TSNARE1: variants seen among roughly 807,000 people sequenced by gnomAD.
TSNARE1 encodes t-SNARE domain containing 1.
A neutral mutation model predicts 62.0 loss-of-function variants in TSNARE1; 49 were observed. The ratio of observed to expected loss-of-function variants is 0.79; its 90% CI spans 0.63 to 1.00. The LOEUF is 1.00. Ranked by LOEUF, TSNARE1 falls within the 50% of genes least tolerant of loss-of-function variation. TSNARE1 has a pLI of 0.00. For missense variants in TSNARE1, 755 were observed against 700.1 expected, an observed-to-expected ratio of 1.08 and a Z score of -0.88; for synonymous variants, 328 against 294.4, an observed-to-expected ratio of 1.11 and a Z score of -1.17.
At chr8:142,381,621 G>A (rs902314343) in intron 1 of TSNARE1, among the ~76,000 whole-genome samples, 3 of 152,214 alleles carry the variant, frequency 2.0e-5, no homozygotes, top group Non-Finnish European at 4.4e-5. Flanking sequence ...TCTGGAGTGA[G>A]GCAGGAGAAG....
intron 12 of TSNARE1, among the ~76,000 whole-genome samples, chr8:142,259,629 C>T (rs1234914605): frequency 1.3e-5 from 2 of 152,226 alleles, no homozygotes; most frequent in African/African-American, 4.8e-5. Context: ...CCTGCTTGGC[C>T]TCCCAATTAA....
At chr8:142,372,137 C>T (rs1025067633) in intron 1 of TSNARE1, among the ~76,000 whole-genome samples, 2 of 152,176 alleles carry the variant, frequency 1.3e-5, no homozygotes, top group African/African-American at 2.4e-5. Context: ...TCACTGAAAA[C>T]ACAGTATGGG....
chr8:142,306,140 G>A (rs1452493018), intron 9 of TSNARE1, among the ~76,000 whole-genome samples: 1 of 152,228 alleles, frequency 6.6e-6, no homozygotes, highest in Non-Finnish European at 1.5e-5. Context: ...TTTATTCACT[G>A]GTGGAGTCTC....
intron 7 of TSNARE1, among the ~76,000 whole-genome samples, chr8:142,316,202 G>A (rs1198236091): frequency 1.3e-5 from 2 of 148,934 alleles, no homozygotes; most frequent in African/African-American, 2.4e-5. Flanking sequence ...AAGCTACAGA[G>A]GAAGAGGTCA....
At position 142,354,863 on chromosome 8, in the gene TSNARE1, A is replaced by G. The variant is rs1834593418; in HGVS notation, c.-39-100T>C. 10 of 665,472 alleles carry G rather than the reference A, an allele frequency of 1.5e-5. No individual in the cohort carries two copies. The South Asian group carries it at 1.6e-4, about 11-fold the overall frequency. The allele number at this position is 665,472 out of a possible 1,614,324, so 41.2% of individuals were successfully genotyped here. On this transcript the variant is annotated intron_variant, in intron 1 of 13. Transcript: ENST00000524325. ...GGCCGCCGGCCCCTCCCCAGCCCCA[A>G]GACCCTGGCTCCATTGTACCCATTC...
chr8:142,217,372 AAAAAAGG>A (rs1399845122), intron 13 of TSNARE1, among the ~76,000 whole-genome samples: 1,811 of 141,344 alleles, frequency 0.013, 57 homozygotes, highest in African/African-American at 0.049. Context: ...AGAAAGAAAG[AAAAAAGG>A]GAAAGAAAGA....
At chr8:142,282,603 C>CGG (rs1821772074) in intron 11 of TSNARE1, among the ~76,000 whole-genome samples, 1 of 127,270 alleles carries the variant, frequency 7.9e-6, no homozygotes, top group Non-Finnish European at 1.7e-5. Context: ...TATCAATGAG[C>CGG]AGAGGGGAGG....
intron 9 of TSNARE1, among the ~76,000 whole-genome samples, chr8:142,313,842 C>T (rs960228303): frequency 3.3e-5 from 5 of 152,174 alleles, no homozygotes; most frequent in Non-Finnish European, 7.3e-5. Context: ...GGCGTGATCT[C>T]GGCTCACTGG....
intron 9 of TSNARE1, among the ~76,000 whole-genome samples, chr8:142,308,317 T>C (rs1827022132): frequency 6.6e-6 from 1 of 152,204 alleles, no homozygotes; most frequent in African/African-American, 2.4e-5. Flanking sequence ...TGGTGCCTTC[T>C]GGATGTGCTA....
intron 12 of TSNARE1, among the ~76,000 whole-genome samples, chr8:142,232,431 G>A (rs776034975): frequency 4.6e-5 from 7 of 152,372 alleles, no homozygotes; most frequent in African/African-American, 1.2e-4. Context: ...GTCTCCCTGC[G>A]CTACGTCTCT....
rs11993316 is a variant in TSNARE1, at chr8:142,357,143, C to T, written c.-39-2380G>A. ...GGAAGGAGAGTTCCAGAAAGAAGGACAGGAGGGCCAGGGGAAGAGAATCGT... is the reference window on the plus strand; with the variant it reads ...GGAAGGAGAGTTCCAGAAAGAAGGATAGGAGGGCCAGGGGAAGAGAATCGT... On this transcript the variant is annotated intron_variant, in intron 1 of 13. Coordinates refer to ENST00000524325, the MANE Select transcript of TSNARE1 (RefSeq NM_145003.5). Among the ~76,000 whole-genome samples, 916 of 152,274 alleles carry T rather than the reference C, an allele frequency of 6.0e-3. 10 individuals carry two copies. The highest frequency in any genetic ancestry group is 0.021 in the African/African-American group (859 of 41,546).
chr8:142,403,848 C>T (rs1838485965), upstream of TSNARE1: 2 of 152,372 alleles, frequency 1.3e-5, no homozygotes, highest in South Asian at 4.1e-4. Flanking sequence ...TGGGGCGCCT[C>T]CCTTTCCCTG....
chr8:142,367,283 A>C (rs565737320), intron 1 of TSNARE1, among the ~76,000 whole-genome samples: 5 of 152,362 alleles, frequency 3.3e-5, no homozygotes, highest in African/African-American at 1.2e-4. Context: ...ATCTAAGAAA[A>C]CAAAGACACA....
At chr8:142,256,310 TCATCAC>T (rs1563782613) in intron 12 of TSNARE1, among the ~76,000 whole-genome samples, 137 of 62,504 alleles carry the variant, frequency 2.2e-3, no homozygotes, top group South Asian at 3.2e-3. Flanking sequence ...ACCACCACCA[TCATCAC>T]CACCATCACC....
intron 1 of TSNARE1, among the ~76,000 whole-genome samples, chr8:142,402,562 G>A (rs1421001902): frequency 6.6e-6 from 1 of 152,234 alleles, no homozygotes; most frequent in Non-Finnish European, 1.5e-5. Context: ...GATGTCGCAG[G>A]CCCCAGTACC....
chr8:142,401,684 G>A (rs953509594), intron 1 of TSNARE1, among the ~76,000 whole-genome samples: 6 of 152,132 alleles, frequency 3.9e-5, no homozygotes, highest in African/African-American at 1.2e-4. Flanking sequence ...TGTTCATGGG[G>A]CCAGGCCAGC....
Position 142,274,846 on chromosome 8 carries a change from G to T in TSNARE1, c.1381C>A (p.Leu461Ile). 6.3e-7 allele frequency: 1 copy of T among 1,577,192 alleles called. No homozygotes were observed. The highest frequency in any genetic ancestry group is 8.6e-7 in the Non-Finnish European group (1 of 1,162,464). Residue 461 changes from leucine (L) to isoleucine (I), a missense_variant, in exon 12 of 14, where the codon CTT becomes ATT. Coordinates refer to ENST00000524325, the MANE Select transcript of TSNARE1 (RefSeq NM_145003.5). Reference sequence around the variant, plus strand: ...TCCGCATGCGAGGACGCAGCCTCAAGGCTGGCTTCAATACTATCTGCAAAT... The same window carrying T: ...TCCGCATGCGAGGACGCAGCCTCAATGCTGGCTTCAATACTATCTGCAAAT... ...GEAVDSIEAS[L>I]EAASSHAEAA...
chr8:142,392,747 G>A (rs28393553), intron 1 of TSNARE1, among the ~76,000 whole-genome samples: 1 of 151,788 alleles, frequency 6.6e-6, no homozygotes, highest in Non-Finnish European at 1.5e-5. Context: ...TTGAGACCAC[G>A]CGGGCCAACA....
At position 142,252,416 on chromosome 8, in the gene TSNARE1, G is replaced by A. The variant is rs370514672; in HGVS notation, c.1446+22365C>T. Reference sequence around the variant, plus strand: ...GAACCTCTCTGAGCCTCTCTTTCCCGCGTCTGTAAATGAGGCTGGTTTCCC... The same window carrying A: ...GAACCTCTCTGAGCCTCTCTTTCCCACGTCTGTAAATGAGGCTGGTTTCCC... On this transcript the variant is annotated intron_variant, in intron 12 of 13. Transcript: ENST00000524325. Among the ~76,000 whole-genome samples, 6 of 152,278 alleles carry A rather than the reference G, an allele frequency of 3.9e-5. No homozygotes were observed. In the East Asian group the frequency reaches 5.8e-4, roughly 15 times the overall value.
Sources: allele counts gnomAD v4.1 joint callset (sites outside exome capture counted in the v4.1 genomes callset), GRCh38; gene constraint gnomAD v4.1.1; transcripts MANE v1.5; gene names NCBI Gene and HGNC (gene_info 2026-07-23, HGNC 2026-07-21).